The following PTPRG variants were observed in gnomAD, a reference collection of about 807,000 sequenced individuals.
PTPRG encodes receptor-type tyrosine-protein phosphatase gamma.
PTPRG carries 102 observed loss-of-function variants against 165.3 expected under a neutral mutation model. The ratio of observed to expected loss-of-function variants is 0.62; its 90% CI spans 0.53 to 0.73. The LOEUF is 0.73. PTPRG is among the 30% of genes least tolerant of loss of function. PTPRG has a pLI of 0.00. For synonymous variants in PTPRG, 675 were observed against 669.5 expected, an observed-to-expected ratio of 1.01 and a Z score of -0.13; for missense variants, 1,866 against 1,861.4, an observed-to-expected ratio of 1.00 and a Z score of -0.05.
In PTPRG at chr3:62,271,692, G is replaced by A; in HGVS notation, c.3182+137G>A. The A allele has an allele frequency of 2.8e-6, 2 of 704,032 alleles. No homozygotes were observed. The highest frequency in any genetic ancestry group is 4.4e-6 in the Non-Finnish European group (2 of 452,982). 43.6% of individuals were successfully genotyped at this position (704,032 alleles called of 1,614,324 possible). A position where few individuals can be genotyped will look rare whatever the true frequency, so the allele number is the denominator to read the frequency against. ...GGAAACTGGGATGGATAAGACCTAT[G>A]ATAGTCTTAAAGAGGCTCTATTCCT... On this transcript the variant is annotated intron_variant, in intron 21 of 29. Transcript: ENST00000474889. This position sits in a 1 kb window ranked among gnomAD's most constrained non-coding sequence, Gnocchi z 4.1.
intron 1 of PTPRG, among the ~76,000 whole-genome samples, chr3:61,626,308 C>T (rs1701607259): frequency 1.3e-5 from 2 of 152,088 alleles, no homozygotes; most frequent in South Asian, 4.1e-4. Flanking sequence ...GTTTCTTTTC[C>T]CTCCCTTAGC....
At chr3:61,923,533 A>G (rs2039132471) in intron 2 of PTPRG, among the ~76,000 whole-genome samples, 1 of 149,896 alleles carries the variant, frequency 6.7e-6, no homozygotes, top group African/African-American at 2.5e-5. Context: ...CATTAGGTAT[A>G]TCTCCTAATG....
At chr3:62,106,256 G>C (rs1702468992) in intron 5 of PTPRG, among the ~76,000 whole-genome samples, 1 of 152,152 alleles carries the variant, frequency 6.6e-6, no homozygotes, top group African/African-American at 2.4e-5. Context: ...AATTCACAGT[G>C]AGTGAACTTT....
At chr3:61,843,109 T>A (rs1207398295) in intron 2 of PTPRG, among the ~76,000 whole-genome samples, 1 of 152,218 alleles carries the variant, frequency 6.6e-6, no homozygotes, top group Non-Finnish European at 1.5e-5. Context: ...TCATATTGAT[T>A]CATTCTGCAA....
intron 2 of PTPRG, among the ~76,000 whole-genome samples, chr3:61,935,346 C>G (rs958346044): frequency 6.6e-6 from 1 of 152,130 alleles, no homozygotes; most frequent in Non-Finnish European, 1.5e-5. Flanking sequence ...TGATGGACAT[C>G]CTGTCTTCTC....
At chr3:61,602,968 G>GT (rs1312219223) in intron 1 of PTPRG, among the ~76,000 whole-genome samples, 14 of 152,194 alleles carry the variant, frequency 9.2e-5, no homozygotes, top group African/African-American at 3.4e-4. Flanking sequence ...TCCGGAGGTT[G>GT]TATCTGTGGT....
At chr3:61,688,079 A>C (rs975366775) in intron 1 of PTPRG, among the ~76,000 whole-genome samples, 1 of 152,156 alleles carries the variant, frequency 6.6e-6, no homozygotes, top group South Asian at 2.1e-4. Flanking sequence ...AGTGTGGCTG[A>C]CATCACTTTC....
At chr3:61,929,633 C>G (rs1187534897) in intron 2 of PTPRG, among the ~76,000 whole-genome samples, 1 of 152,160 alleles carries the variant, frequency 6.6e-6, no homozygotes, top group African/African-American at 2.4e-5. Context: ...TAGCTGTGAC[C>G]TGAGATGAAT....
At chr3:62,253,252 C>G (rs1309887336) in intron 15 of PTPRG, among the ~76,000 whole-genome samples, 1 of 152,134 alleles carries the variant, frequency 6.6e-6, no homozygotes, top group Non-Finnish European at 1.5e-5. Context: ...TGTTCCTAAT[C>G]ACGGCACTGT....
chr3:61,563,095 C>T (rs945288741), intron 1 of PTPRG, among the ~76,000 whole-genome samples: 6 of 151,476 alleles, frequency 4.0e-5, no homozygotes, highest in Admixed American at 6.6e-5. Flanking sequence ...CCCTCCGCTG[C>T]TCTGCTCGAT....
intron 2 of PTPRG, among the ~76,000 whole-genome samples, chr3:61,901,839 T>C (rs1048560446): frequency 6.6e-6 from 1 of 152,248 alleles, no homozygotes; most frequent in Non-Finnish European, 1.5e-5. Context: ...CTTTGTAACA[T>C]TGATATCACT....
intron 1 of PTPRG, among the ~76,000 whole-genome samples, chr3:61,671,596 C>A (rs1007207081): frequency 3.4e-5 from 5 of 148,176 alleles, no homozygotes; most frequent in Non-Finnish European, 6.0e-5. Flanking sequence ...ACCTTTCCCC[C>A]CTTTCTATTC....
Position 62,191,725 on chromosome 3 carries a change from A to C in PTPRG, c.1218+72A>C. ...CTCCTGCTGCAGCTCTCTGCCAGGC[A>C]CTGCACAGTGTGCCAGCTCTGTGTC... is the stretch of plus-strand genomic sequence containing the variant. On this transcript the variant is annotated intron_variant, in intron 9 of 29. Transcript: ENST00000474889. The C allele has an allele frequency of 2.1e-6, 3 of 1,436,874 alleles. No homozygotes were observed. The Admixed American group carries it at 5.5e-5, about 26-fold the overall frequency. 89.0% of individuals were successfully genotyped at this position (1,436,874 alleles called of 1,614,324 possible). A position where few individuals can be genotyped will look rare whatever the true frequency, so the allele number is the denominator to read the frequency against.
chr3:61,851,289 T>C (rs569648788), intron 2 of PTPRG, among the ~76,000 whole-genome samples: 13 of 152,316 alleles, frequency 8.5e-5, no homozygotes, highest in Admixed American at 8.5e-4. Context: ...CAGAACTTTT[T>C]CACTGTCTGT....
rs571430246 is a variant in PTPRG at position 62,262,526 on chromosome 3, C to G, written c.2560-272C>G. 5.3e-4 allele frequency: 163 copies of G among 306,152 alleles called. 4 individuals carry two copies. The South Asian group carries it at 0.011, about 21-fold the overall frequency. 19.0% of individuals were successfully genotyped at this position (306,152 alleles called of 1,614,324 possible). ...TCTCACCCATAGACTATGATGTATTCAAAAAGAGATATTGTTTTACATCTC... is the reference window on the plus strand; with the variant it reads ...TCTCACCCATAGACTATGATGTATTGAAAAAGAGATATTGTTTTACATCTC... On this transcript the variant is annotated intron_variant, in intron 16 of 29. Coordinates refer to ENST00000474889, the MANE Select transcript of PTPRG (RefSeq NM_002841.4).
chr3:62,184,904 A>G (rs1705812860), intron 8 of PTPRG, among the ~76,000 whole-genome samples: 1 of 152,168 alleles, frequency 6.6e-6, no homozygotes. Context: ...CAGGTGCTGG[A>G]AGAAGGCCCC....
chr3:62,134,476 C>A (rs1037596312), intron 6 of PTPRG, among the ~76,000 whole-genome samples: 1 of 152,196 alleles, frequency 6.6e-6, no homozygotes, highest in African/African-American at 2.4e-5. Context: ...TTTGCTGTTT[C>A]CTCTGTCGGG....
chr3:61,679,930 T>C (rs1180342054), intron 1 of PTPRG, among the ~76,000 whole-genome samples: 1 of 152,182 alleles, frequency 6.6e-6, no homozygotes, highest in Admixed American at 6.5e-5. Flanking sequence ...CTTACTCTCT[T>C]CGGCTTGTCC....
At chr3:62,168,611 A>T (rs949930705) in intron 8 of PTPRG, among the ~76,000 whole-genome samples, 2 of 152,178 alleles carry the variant, frequency 1.3e-5, no homozygotes, top group Non-Finnish European at 1.5e-5. Flanking sequence ...GCTCAGACAC[A>T]TAAGGTCTAG....
Sources: allele counts gnomAD v4.1 joint callset (sites outside exome capture counted in the v4.1 genomes callset), GRCh38; gene constraint gnomAD v4.1.1; non-coding constraint Gnocchi (gnomAD v3.1); transcripts MANE v1.5; gene names NCBI Gene and HGNC (gene_info 2026-07-23, HGNC 2026-07-21).